PTPN9: variants seen among roughly 807,000 people sequenced by gnomAD.
PTPN9 encodes the protein tyrosine-protein phosphatase non-receptor type 9.
A neutral mutation model predicts 69.8 loss-of-function variants in PTPN9; 26 were observed. The observed-to-expected ratio is 0.37, with a 90% CI of 0.27 to 0.52. The LOEUF (loss-of-function observed/expected upper bound fraction) is 0.52. Among genes scored for constraint, PTPN9 ranks in the 20% least tolerant of loss-of-function variants. The pLI is 0.91. For synonymous variants in PTPN9, 274 were observed against 272.5 expected, an observed-to-expected ratio of 1.01 and a Z score of -0.05; for missense variants, 549 against 740.3, an observed-to-expected ratio of 0.74 and a Z score of 3.00.
In PTPN9 at chr15:75,487,031, C is replaced by T. The variant is rs368373226; in HGVS notation, c.1062+3177G>A. On this transcript the variant is annotated intron_variant, in intron 8 of 12. Transcript: ENST00000618819. ...CGATCTCCTGACCTTGTGATCTGCCCGCCTCGGCCTCCCAAAGTGCTGGGA... is the reference window on the plus strand; with the variant it reads ...CGATCTCCTGACCTTGTGATCTGCCTGCCTCGGCCTCCCAAAGTGCTGGGA... 3.0e-4 allele frequency among the ~76,000 whole-genome samples: 45 copies of T among 151,854 alleles called. 1 individual carries two copies. Among genetic ancestry groups the T allele is most frequent in the East Asian group, 1.9e-3 (10 of 5,164 alleles).
chr15:75,487,311 C>T (rs1193339351), intron 8 of PTPN9: 3 of 148,174 alleles, frequency 2.0e-5, no homozygotes, highest in Non-Finnish European at 3.0e-5. Context: ...GCTTTCGGCC[C>T]GCAAAGTAAA....
intron 1 of PTPN9, among the ~76,000 whole-genome samples, chr15:75,571,581 C>T (rs1169520198): frequency 1.3e-5 from 2 of 151,946 alleles, no homozygotes; most frequent in Non-Finnish European, 2.9e-5. Context: ...AACATAGTGA[C>T]ACCTTATCTC....
rs553933759 is a variant in PTPN9, at chr15:75,521,242, G to A, written c.422+1879C>T. Among the ~76,000 whole-genome samples, 7 of 147,748 alleles carry A rather than the reference G, an allele frequency of 4.7e-5. No homozygotes were observed. In the South Asian group the frequency reaches 8.8e-4, roughly 19 times the overall value. On this transcript the variant is annotated intron_variant, in intron 4 of 12. Transcript: ENST00000618819. ...GGGTGGATCACGAGCTCAGGTGATC[G>A]AGACCATCCTGGCTAACAAGGTGAA... is the stretch of plus-strand genomic sequence containing the variant.
At chr15:75,554,179 C>T (rs184760743) in intron 1 of PTPN9, among the ~76,000 whole-genome samples, 78 of 150,704 alleles carry the variant, frequency 5.2e-4, no homozygotes, top group Admixed American at 1.5e-3. Context: ...CCACCATGCC[C>T]GGCTGAAAAA....
intron 1 of PTPN9, among the ~76,000 whole-genome samples, chr15:75,551,973 T>C (rs1334555368): frequency 7.2e-6 from 1 of 139,130 alleles, no homozygotes; most frequent in Non-Finnish European, 1.5e-5. Flanking sequence ...GCCTGGGAGG[T>C]GGAGGTTACA....
chr15:75,473,825 T>C (rs958861399), intron 9 of PTPN9, 58 bp from the exon 10 acceptor site: 1 of 1,381,884 alleles, frequency 7.2e-7, no homozygotes, highest in Non-Finnish European at 1.0e-6. Context: ...TTTTCTTTTG[T>C]AGGCGCTTCT....
chr15:75,492,046 A>C (rs2141300530), intron 7 of PTPN9, among the ~76,000 whole-genome samples: 1 of 152,054 alleles, frequency 6.6e-6, no homozygotes, highest in East Asian at 1.9e-4. Context: ...CTAATTTTTA[A>C]ATTTTTTGTA....
At chr15:75,553,639 A>G (rs192637091) in intron 1 of PTPN9, among the ~76,000 whole-genome samples, 395 of 152,184 alleles carry the variant, frequency 2.6e-3, no homozygotes, top group Non-Finnish European at 3.7e-3. Flanking sequence ...ATTTTGCCCC[A>G]GTTCCAAAGC....
chr15:75,511,687 T>C (rs2074845947), intron 5 of PTPN9, among the ~76,000 whole-genome samples: 1 of 152,206 alleles, frequency 6.6e-6, no homozygotes, highest in East Asian at 1.9e-4. Flanking sequence ...TTTCCCCAAC[T>C]TAGACTTTCT....
intron 1 of PTPN9, among the ~76,000 whole-genome samples, chr15:75,554,684 A>G (rs1207362840): frequency 6.6e-6 from 1 of 152,200 alleles, no homozygotes; most frequent in East Asian, 1.9e-4. Context: ...ACAAACGTAT[A>G]TATTCTCACA....
chr15:75,556,848 T>C (rs1411913157), intron 1 of PTPN9, among the ~76,000 whole-genome samples: 1 of 152,160 alleles, frequency 6.6e-6, no homozygotes, highest in Non-Finnish European at 1.5e-5. Flanking sequence ...CATTAAACAA[T>C]AATTCCCCCT....
intron 6 of PTPN9, among the ~76,000 whole-genome samples, chr15:75,506,590 G>A (rs1194862433): frequency 6.6e-6 from 1 of 152,054 alleles, no homozygotes; most frequent in Non-Finnish European, 1.5e-5. Flanking sequence ...GCTCACTGCA[G>A]CCTCAACCTC....
At chr15:75,482,202 G>A (rs1334930796) in intron 8 of PTPN9, among the ~76,000 whole-genome samples, 4 of 151,846 alleles carry the variant, frequency 2.6e-5, no homozygotes, top group Non-Finnish European at 5.9e-5. Context: ...TCCACTCAGG[G>A]TTAAATGGAT....
chr15:75,558,236 G>A (rs1483742685), intron 1 of PTPN9, among the ~76,000 whole-genome samples: 1 of 152,096 alleles, frequency 6.6e-6, no homozygotes, highest in East Asian at 1.9e-4. Context: ...CCTGAGGCAG[G>A]AGAACTGCTT....
At chr15:75,481,871 G>A (rs574787409) in intron 8 of PTPN9, among the ~76,000 whole-genome samples, 7 of 144,386 alleles carry the variant, frequency 4.8e-5, no homozygotes, top group South Asian at 2.4e-4. Context: ...CCGCCCCTCC[G>A]GGAGGTGAGG....
chr15:75,498,186 C>A (rs1385067824), intron 7 of PTPN9, among the ~76,000 whole-genome samples: 3 of 151,878 alleles, frequency 2.0e-5, no homozygotes, highest in Non-Finnish European at 4.4e-5. Flanking sequence ...CAGAGCGAGA[C>A]CACATCTCAG....
At chr15:75,551,024 G>A (rs1362170953) in intron 1 of PTPN9, among the ~76,000 whole-genome samples, 1 of 152,178 alleles carries the variant, frequency 6.6e-6, no homozygotes, top group African/African-American at 2.4e-5. Flanking sequence ...CTTATAGTGT[G>A]CTGGGCCATG....
chr15:75,527,037 A>C, intron 2 of PTPN9, 81 bp downstream of exon 2: 2 of 1,529,048 alleles, frequency 1.3e-6, no homozygotes, highest in Non-Finnish European at 1.8e-6. Context: ...TAGAGAACCA[A>C]TGTGTGTGTC....
chr15:75,542,240 G>A lies in PTPN9; in HGVS notation c.64-14979C>T, dbSNP rs535841835. Among the ~76,000 whole-genome samples the A allele has an allele frequency of 1.9e-4, 29 of 152,166 alleles. No individual in the cohort carries two copies. The East Asian group carries it at 2.7e-3, about 14-fold the overall frequency. ...GGTCTCTTTATTCTGATATCCACAT[G>A]TTGCAAGATAGAAAGTCTTTCTTGT... On this transcript the variant is annotated intron_variant, in intron 1 of 12. Transcript: ENST00000618819.
Sources: gnomAD v4.1 joint callset for allele counts (sites outside exome capture counted in the v4.1 genomes callset) on GRCh38, gnomAD v4.1.1 for gene constraint, MANE v1.5 for transcripts, NCBI Gene and HGNC (gene_info 2026-07-23, HGNC 2026-07-21) for gene names.